Variants in LRRC52 observed in about 807,000 individuals in gnomAD.
LRRC52 encodes leucine-rich repeat-containing protein 52.
A neutral mutation model predicts 14.7 loss-of-function variants in LRRC52; 15 were observed. That is an observed-to-expected ratio of 1.02 (90% CI 0.68 to 1.58). LRRC52 has a LOEUF of 1.58. LRRC52 is among the 40% of genes most tolerant of loss of function. The pLI, the probability that LRRC52 is intolerant of heterozygous loss-of-function variation, is 0.00. For synonymous variants in LRRC52, 180 were observed against 163.9 expected (o/e 1.10, Z -0.75); for missense variants, 400 against 387.7 (o/e 1.03, Z -0.27).
Position 165,544,641 on chromosome 1 carries a change from G to C in LRRC52, c.345G>C (p.Ser115=), listed in dbSNP as rs149047999. ...YLDLSSNNLT[S]ISPFTFSVLS... ...ACCTCAGCTCCAACAACCTAACCTC[G>C]ATCTCCCCATTCACTTTCTCGGTGC... Residue 115 remains serine (S), a synonymous_variant, in exon 1 of 2, where the codon TCG becomes TCC. Transcript: ENST00000294818. 2.3e-3 allele frequency: 3,791 copies of C among 1,613,762 alleles called. 7 individuals carry two copies. The highest frequency in any genetic ancestry group is 3.0e-3 in the Non-Finnish European group (3,514 of 1,179,966).
intron 1 of LRRC52, among the ~76,000 whole-genome samples, chr1:165,549,224 C>G (rs1033663021): frequency 2.0e-5 from 3 of 152,214 alleles, no homozygotes; most frequent in Non-Finnish European, 4.4e-5. Context: ...GGACCAGCAG[C>G]AGCAGGGTGC....
At chr1:165,563,216 G>A (rs1375092383) in intron 1 of LRRC52, among the ~76,000 whole-genome samples, 1 of 152,148 alleles carries the variant, frequency 6.6e-6, no homozygotes, top group African/African-American at 2.4e-5. Flanking sequence ...TGGCCTGAAT[G>A]CAGCAAAGCC....
intron 1 of LRRC52, among the ~76,000 whole-genome samples, chr1:165,547,224 G>T (rs1267572440): frequency 2.0e-5 from 3 of 152,148 alleles, no homozygotes; most frequent in East Asian, 3.9e-4. Context: ...TCAAATGCAG[G>T]TCTTTTTCCA....
chr1:165,563,572 C>A lies in LRRC52; in HGVS notation c.690C>A (p.Asn230Lys). The A allele has an allele frequency of 6.2e-7, 1 of 1,614,244 alleles. No homozygotes were observed. The highest frequency in any genetic ancestry group is 1.1e-5 in the South Asian group (1 of 91,086). The change falls in exon 2 of 2, where the codon AAC (asparagine) becomes AAA (lysine). Residue 230 changes from asparagine to lysine, a missense_variant. Transcript: ENST00000294818. ...LTGWPITRVGNPLRYMCITHL... is the reference protein window; with the variant it reads ...LTGWPITRVGKPLRYMCITHL... ...GGTGGCCCATCACCCGGGTGGGGAA[C>A]CCACTCCGATACATGTGCATCACGC...
chr1:165,558,060 G>A (rs946405333), intron 1 of LRRC52, among the ~76,000 whole-genome samples: 6 of 152,150 alleles, frequency 3.9e-5, no homozygotes, highest in African/African-American at 1.4e-4. Context: ...GTTCAATACT[G>A]TTTTCTGAAA....
chr1:165,554,761 T>C (rs900796095), intron 1 of LRRC52, among the ~76,000 whole-genome samples: 2 of 152,184 alleles, frequency 1.3e-5, no homozygotes, highest in African/African-American at 2.4e-5. Flanking sequence ...ACAGAAGAAT[T>C]TGGCCTTCTC....
rs1660973262 is a variant in LRRC52, at chr1:165,544,516, G to A, written c.220G>A (p.Gly74Arg). The change falls in exon 1 of 2, where the codon GGA becomes AGA. Residue 74 changes from glycine to arginine, a missense_variant. Transcript: ENST00000294818. ...CACTAGTTTGCCAGCAATGCATCTA[G>A]GACTCCTCAGTGACCTTGTTTATTT... Reference protein sequence around the residue: ...RITSLPAMHLGLLSDLVYLDC... With the variant: ...RITSLPAMHLRLLSDLVYLDC... 2 of 1,614,116 alleles carry A rather than the reference G, an allele frequency of 1.2e-6. No homozygotes were observed. The highest frequency in any genetic ancestry group is 1.7e-5 in the Admixed American group (1 of 60,018).
chr1:165,551,979 G>GAAAAAA (rs148299176), intron 1 of LRRC52, among the ~76,000 whole-genome samples: 1 of 120,354 alleles, frequency 8.3e-6, no homozygotes, highest in African/African-American at 2.9e-5. Context: ...GGCTAAAAAA[G>GAAAAAA]AAAAAAAAAA....
chr1:165,556,275 T>C (rs532950077), intron 1 of LRRC52, among the ~76,000 whole-genome samples: 1 of 152,222 alleles, frequency 6.6e-6, no homozygotes, highest in Non-Finnish European at 1.5e-5. Flanking sequence ...AAAACACCTG[T>C]AAAGCACAGG....
intron 1 of LRRC52, among the ~76,000 whole-genome samples, chr1:165,552,690 G>T (rs139359406): frequency 6.6e-6 from 1 of 152,252 alleles, no homozygotes; most frequent in East Asian, 1.9e-4. Context: ...GTAACTTCTG[G>T]CACAATTCTA....
At chr1:165,555,807 T>C (rs1460116108) in intron 1 of LRRC52, among the ~76,000 whole-genome samples, 4 of 152,260 alleles carry the variant, frequency 2.6e-5, no homozygotes, top group Non-Finnish European at 1.5e-5. Context: ...AACTGGTGAA[T>C]GATGGTGCCC....
Position 165,563,769 on chromosome 1 carries a change from G to C in LRRC52, c.887G>C (p.Arg296Pro). Reference sequence around the variant, plus strand: ...GCCGGGACTAGGGTGGAAGTCAGCCGGCGGATTTTTCAAACCCAGACGAGC... The same window carrying C: ...GCCGGGACTAGGGTGGAAGTCAGCCCGCGGATTTTTCAAACCCAGACGAGC... The part of the protein sequence containing the change: ...DEAGTRVEVS[R>P]RIFQTQTSSV... Residue 296 changes from arginine (R) to proline (P), a missense_variant, in exon 2 of 2, where the codon CGG becomes CCG. By Grantham distance (103) the Arg-to-Pro change is moderately radical. Transcript: ENST00000294818. The C allele has an allele frequency of 6.2e-7, 1 of 1,614,186 alleles. No homozygotes were observed. Among genetic ancestry groups the C allele is most frequent in the Non-Finnish European group, 8.5e-7 (1 of 1,180,024 alleles).
At chr1:165,552,233 TAC>T (rs939699447) in intron 1 of LRRC52, among the ~76,000 whole-genome samples, 1 of 152,142 alleles carries the variant, frequency 6.6e-6, no homozygotes, top group Non-Finnish European at 1.5e-5. Flanking sequence ...GATCGAAGGT[TAC>T]TCCAAGCTCA....
chr1:165,544,842 T>C lies in LRRC52; in HGVS notation c.546T>C (p.Ser182=). 1 of 1,614,032 alleles carries C rather than the reference T, an allele frequency of 6.2e-7. No individual in the cohort carries two copies. Among genetic ancestry groups the C allele is most frequent in the Non-Finnish European group, 8.5e-7 (1 of 1,180,008 alleles). The change falls in exon 1 of 2, where the codon AGT becomes AGC. Residue 182 remains serine (S), a synonymous_variant. Transcript: ENST00000294818. ...HLTTLETLFL[S]GNPWKCNCSF... is the part of the protein sequence containing the mutation. ...CTACTCTGGAGACCCTGTTTCTGAG[T>C]GGAAACCCCTGGAAGTGCAACTGCT...
intron 1 of LRRC52, among the ~76,000 whole-genome samples, chr1:165,561,090 G>A (rs1661330914): frequency 6.6e-6 from 1 of 152,142 alleles, no homozygotes; most frequent in Admixed American, 6.5e-5. Context: ...TGGGAAGAGG[G>A]GGAGATAATT....
At chr1:165,563,428 C>T (rs1192073062) in intron 1 of LRRC52, 77 bp from the exon 2 acceptor site, 4 of 1,339,950 alleles carry the variant, frequency 3.0e-6, no homozygotes, top group South Asian at 1.4e-5. Context: ...CAGATGGTCC[C>T]TCCTGATCCC....
chr1:165,548,815 C>CA (rs1374559751), intron 1 of LRRC52, among the ~76,000 whole-genome samples: 2 of 152,080 alleles, frequency 1.3e-5, no homozygotes, highest in South Asian at 2.1e-4. Flanking sequence ...CATAAGCAAT[C>CA]AAAAAACAAA....
Position 165,544,217 on chromosome 1 carries a change from CCA to C in LRRC52, c.-78_-77del. ...TTCTTTCCAGAGCCCCTCCCCCGCCCCACCCCCCCACCGGCAGCCTTCGGATC... is the reference window on the plus strand; with the variant it reads ...TTCTTTCCAGAGCCCCTCCCCCGCCCCCCCCCCACCGGCAGCCTTCGGATC... On this transcript the variant is annotated 5_prime_UTR_variant, in exon 1 of 2. Coordinates refer to ENST00000294818, the MANE Select transcript of LRRC52 (RefSeq NM_001005214.4). 7.8e-7 allele frequency: 1 copy of C among 1,281,960 alleles called. No individual in the cohort carries two copies. The highest frequency in any genetic ancestry group is 1.1e-6 in the Non-Finnish European group (1 of 941,592). 79.4% of individuals were successfully genotyped at this position (1,281,960 alleles called of 1,614,324 possible).
intron 1 of LRRC52, among the ~76,000 whole-genome samples, chr1:165,561,136 A>T (rs1661331903): frequency 6.6e-6 from 1 of 152,066 alleles, no homozygotes; most frequent in Non-Finnish European, 1.5e-5. Context: ...CTCCCAACAA[A>T]GCCACCCACA....
Sources: allele counts gnomAD v4.1 joint callset (sites outside exome capture counted in the v4.1 genomes callset), GRCh38; gene constraint gnomAD v4.1.1; transcripts MANE v1.5; gene names NCBI Gene and HGNC (gene_info 2026-07-23, HGNC 2026-07-21).